ADAMTS12: variants seen among roughly 807,000 people sequenced by gnomAD.
ADAMTS12 encodes the protein A disintegrin and metalloproteinase with thrombospondin motifs 12.
Under a neutral mutation model 167.8 loss-of-function variants are expected in ADAMTS12, and 118 were observed. The observed-to-expected ratio is 0.70, with a 90% CI of 0.61 to 0.82. The LOEUF is 0.82. ADAMTS12 is among the 40% of genes least tolerant of loss of function. The pLI, the probability that ADAMTS12 is intolerant of heterozygous loss-of-function variation, is 0.00. For synonymous variants in ADAMTS12, 704 were observed against 716.9 expected (o/e 0.98, Z 0.29); for missense variants, 1,916 against 1,998.8 (o/e 0.96, Z 0.79).
intron 21 of ADAMTS12, among the ~76,000 whole-genome samples, chr5:33,546,790 AT>A (rs1579647942): frequency 6.6e-6 from 1 of 152,242 alleles, no homozygotes; most frequent in East Asian, 1.9e-4. Context: ...AAGATACATT[AT>A]CTCATTTGCA....
intron 23 of ADAMTS12, among the ~76,000 whole-genome samples, chr5:33,529,927 C>A (rs143303691): frequency 1.3e-5 from 2 of 151,968 alleles, no homozygotes; most frequent in Non-Finnish European, 2.9e-5. Context: ...AGAGAGTACA[C>A]GTTTTTGTAT....
Position 33,748,034 on chromosome 5 carries a change from T to C in ADAMTS12, c.634+3370A>G, listed in dbSNP as rs144430644. 4.2e-3 allele frequency among the ~76,000 whole-genome samples: 640 copies of C among 152,320 alleles called. 6 individuals are homozygous for C. The highest frequency in any genetic ancestry group is 0.015 in the African/African-American group (611 of 41,576). On this transcript the variant is annotated intron_variant, in intron 3 of 23. Coordinates refer to ENST00000504830, the MANE Select transcript of ADAMTS12 (RefSeq NM_030955.4). The stretch of plus-strand genomic sequence containing the variant: ...GGAGCCAGACCCTGTTTTTCTAGCC[T>C]AGAGTTCTAATGCATGAAATCCCAG...
At chr5:33,769,080 G>C (rs1250783936) in intron 2 of ADAMTS12, among the ~76,000 whole-genome samples, 1 of 151,926 alleles carries the variant, frequency 6.6e-6, no homozygotes. Context: ...ACAACAGAAA[G>C]AACCAGAGAG....
intron 2 of ADAMTS12, among the ~76,000 whole-genome samples, chr5:33,752,633 T>C (rs1745027455): frequency 6.6e-6 from 1 of 152,240 alleles, no homozygotes; most frequent in African/African-American, 2.4e-5. Context: ...TATGTCATTT[T>C]ATTGTAATAG....
At chr5:33,553,197 T>A (rs956956025) in intron 20 of ADAMTS12, among the ~76,000 whole-genome samples, 1 of 152,134 alleles carries the variant, frequency 6.6e-6, no homozygotes, top group Non-Finnish European at 1.5e-5. Flanking sequence ...GTGGCTATTA[T>A]TAAAAAGTAA....
intron 2 of ADAMTS12, among the ~76,000 whole-genome samples, chr5:33,832,815 C>T (rs1361071129): frequency 2.6e-5 from 4 of 152,272 alleles, no homozygotes; most frequent in Admixed American, 6.5e-5. Context: ...TCCATTCCCT[C>T]GGACTCTCAC....
intron 3 of ADAMTS12, among the ~76,000 whole-genome samples, chr5:33,742,318 C>T (rs559824966): frequency 8.3e-6 from 1 of 120,844 alleles, no homozygotes; most frequent in Non-Finnish European, 1.7e-5. Context: ...AACAAGTAAA[C>T]TTCCTTCCCC....
At chr5:33,606,965 A>C (rs1374321408) in intron 16 of ADAMTS12, among the ~76,000 whole-genome samples, 1 of 152,220 alleles carries the variant, frequency 6.6e-6, no homozygotes, top group African/African-American at 2.4e-5. Flanking sequence ...CAATAACAGA[A>C]AATCTATTCA....
chr5:33,589,582 C>T (rs998308065), intron 17 of ADAMTS12, among the ~76,000 whole-genome samples: 1 of 152,162 alleles, frequency 6.6e-6, no homozygotes, highest in African/African-American at 2.4e-5. Context: ...GGCAGGGAGC[C>T]ATCTCTTGTC....
chr5:33,766,463 T>C (rs1022955688), intron 2 of ADAMTS12, among the ~76,000 whole-genome samples: 2 of 151,904 alleles, frequency 1.3e-5, no homozygotes, highest in South Asian at 4.1e-4. Flanking sequence ...CAGAAAAAAA[T>C]GACAATAGGG....
intron 2 of ADAMTS12, among the ~76,000 whole-genome samples, chr5:33,761,057 A>G (rs1745338672): frequency 6.6e-6 from 1 of 152,230 alleles, no homozygotes; most frequent in South Asian, 2.1e-4. Flanking sequence ...AGGGAGAACA[A>G]TGGGAGAGAA....
At chr5:33,874,396 T>C (rs1190287425) in intron 2 of ADAMTS12, among the ~76,000 whole-genome samples, 1 of 152,168 alleles carries the variant, frequency 6.6e-6, no homozygotes, top group Non-Finnish European at 1.5e-5. Context: ...CACACATCTA[T>C]TGAAATGGTC....
At chr5:33,730,289 G>GGTGTGTGT (rs762232547) in intron 3 of ADAMTS12, among the ~76,000 whole-genome samples, 12,839 of 144,010 alleles carry the variant, frequency 0.089, 606 homozygotes, top group Middle Eastern at 0.12. Context: ...AGTCCATTAG[G>GGTGTGTGT]GTGTGTGTGT....
At chr5:33,886,614 T>G (rs6414860) in intron 1 of ADAMTS12, among the ~76,000 whole-genome samples, 1 of 151,986 alleles carries the variant, frequency 6.6e-6, no homozygotes, top group African/African-American at 2.4e-5. Context: ...AGACAAGAAG[T>G]GCTTCACCTC....
intron 23 of ADAMTS12, among the ~76,000 whole-genome samples, chr5:33,532,902 A>G (rs1459894353): frequency 6.6e-6 from 1 of 152,238 alleles, no homozygotes; most frequent in Non-Finnish European, 1.5e-5. Flanking sequence ...TTAGAGAATT[A>G]TAGTGGTCAG....
At chr5:33,593,611 A>G (rs1218509963) in intron 17 of ADAMTS12, among the ~76,000 whole-genome samples, 1 of 152,186 alleles carries the variant, frequency 6.6e-6, no homozygotes, top group Non-Finnish European at 1.5e-5. Context: ...GTTCTGACTC[A>G]TAAGTGGGAG....
chr5:33,649,761 A>G (rs1409386637), intron 7 of ADAMTS12, 64 bp from the exon 8 acceptor site: 3 of 1,584,964 alleles, frequency 1.9e-6, no homozygotes, highest in East Asian at 4.5e-5. Flanking sequence ...AAGAAAAACC[A>G]TAGTTTCCCT....
At chr5:33,681,282 G>A (rs749024739) in intron 5 of ADAMTS12, among the ~76,000 whole-genome samples, 29 of 152,124 alleles carry the variant, frequency 1.9e-4, no homozygotes, top group Non-Finnish European at 3.2e-4. Context: ...TAACACACAC[G>A]ATCGTGGAGA....
At chr5:33,775,669 C>A (rs992834251) in intron 2 of ADAMTS12, among the ~76,000 whole-genome samples, 5 of 152,142 alleles carry the variant, frequency 3.3e-5, no homozygotes, top group African/African-American at 1.2e-4. Context: ...TGCAGAAATA[C>A]GAAATGATGC....
Sources: allele counts gnomAD v4.1 joint callset (sites outside exome capture counted in the v4.1 genomes callset), GRCh38; gene constraint gnomAD v4.1.1; transcripts MANE v1.5; gene names NCBI Gene and HGNC (gene_info 2026-07-23, HGNC 2026-07-21).